The following CATSPERQ variants were observed in gnomAD, a reference collection of about 807,000 sequenced individuals.
CATSPERQ encodes the protein cation channel sperm-associated auxiliary subunit theta.
the CATSPERQ span, chr8:144,353,745 C>A: frequency 2.6e-6 from 4 of 1,534,544 alleles, no homozygotes; most frequent in South Asian, 2.4e-5. Context: ...GTCATCGTGT[C>A]CTGAGGAGGG....
At chr8:144,353,312 G>A in the CATSPERQ span, 3 of 1,497,738 alleles carry the variant, frequency 2.0e-6, no homozygotes, top group African/African-American at 2.8e-5. Context: ...GGAGGTTACC[G>A]AGAACACAGT....
At chr8:144,354,766 ATC>A in the CATSPERQ span, 1 of 1,534,732 alleles carries the variant, frequency 6.5e-7, no homozygotes, top group Non-Finnish European at 8.7e-7. The surrounding 1 kb of genome is among the most constrained non-coding windows in gnomAD (Gnocchi z 4.6). Flanking sequence ...GCCCTTAGGC[ATC>A]TGAGTCAGGC....
At chr8:144,354,681 C>G in the CATSPERQ span, 1 of 1,535,582 alleles carries the variant, frequency 6.5e-7, no homozygotes, top group Non-Finnish European at 8.7e-7. This position sits in a 1 kb window ranked among gnomAD's most constrained non-coding sequence, Gnocchi z 4.6. Context: ...CCAGGTGGCG[C>G]TCCGGGCAGG....
chr8:144,353,780 C>G, the CATSPERQ span: 4 of 1,535,570 alleles, frequency 2.6e-6, no homozygotes, highest in Middle Eastern at 3.3e-4. Flanking sequence ...GGACCCACCT[C>G]GTAGTGCTCC....
the CATSPERQ span, chr8:144,354,587 C>T: frequency 3.2e-6 from 4 of 1,246,712 alleles, no homozygotes; most frequent in Non-Finnish European, 4.4e-6. This position sits in a 1 kb window ranked among gnomAD's most constrained non-coding sequence, Gnocchi z 4.6. Flanking sequence ...CAGCCCCGCC[C>T]CGCCCCGCCC....
the CATSPERQ span, chr8:144,353,812 G>A: frequency 3.3e-6 from 5 of 1,535,582 alleles, no homozygotes; most frequent in Non-Finnish European, 4.4e-6. Context: ...CAGCACCAGG[G>A]GCTCCAACCT....
the CATSPERQ span, chr8:144,353,288 C>A: frequency 6.8e-7 from 1 of 1,468,244 alleles, no homozygotes; most frequent in East Asian, 2.5e-5. Flanking sequence ...TTGATCTGCC[C>A]CAGAGTGGGG....
chr8:144,354,574 T>TGCCCCCCCCCCC, the CATSPERQ span: 4 of 322,938 alleles, frequency 1.2e-5, no homozygotes, highest in Non-Finnish European at 2.2e-5. This position sits in a 1 kb window ranked among gnomAD's most constrained non-coding sequence, Gnocchi z 4.6. Flanking sequence ...GCCCCGCCCT[T>TGCCCCCCCCCCC]CCCAGCCCCG....
At chr8:144,353,809 AG>A in the CATSPERQ span, 1 of 1,535,570 alleles carries the variant, frequency 6.5e-7, no homozygotes, top group South Asian at 1.2e-5. Flanking sequence ...CACCAGCACC[AG>A]GGGCTCCAAC....
chr8:144,354,320 C>T, the CATSPERQ span: 5 of 1,533,496 alleles, frequency 3.3e-6, no homozygotes, highest in African/African-American at 2.7e-5. This position sits in a 1 kb window ranked among gnomAD's most constrained non-coding sequence, Gnocchi z 4.6. Context: ...AGGTAGTATT[C>T]GAGCACGAAG....
the CATSPERQ span, chr8:144,354,467 C>A: frequency 7.6e-7 from 1 of 1,311,252 alleles, no homozygotes; most frequent in Non-Finnish European, 1.0e-6. This position sits in a 1 kb window ranked among gnomAD's most constrained non-coding sequence, Gnocchi z 4.6. Context: ...CTCTCCGTCC[C>A]CAGGAGCACC....
chr8:144,353,561 G>A, the CATSPERQ span: 1 of 1,515,630 alleles, frequency 6.6e-7, no homozygotes, highest in Non-Finnish European at 8.8e-7. Context: ...CTGGGGCCGG[G>A]ACAGGACAGA....
the CATSPERQ span, chr8:144,353,279 T>G: frequency 7.6e-6 from 11 of 1,442,798 alleles, no homozygotes; most frequent in Admixed American, 1.1e-4. Context: ...GACTCACATT[T>G]GATCTGCCCC....
At chr8:144,353,807 C>T in the CATSPERQ span, 1 of 1,535,608 alleles carries the variant, frequency 6.5e-7, no homozygotes, top group Non-Finnish European at 8.7e-7. Flanking sequence ...TGCACCAGCA[C>T]CAGGGGCTCC....
chr8:144,354,226 G>C, the CATSPERQ span: 1 of 1,545,846 alleles, frequency 6.5e-7, no homozygotes, highest in Non-Finnish European at 8.7e-7. The surrounding 1 kb of genome is among the most constrained non-coding windows in gnomAD (Gnocchi z 4.6). Context: ...GTCGGGCCCA[G>C]GGGCTCACAC....
At chr8:144,354,440 G>T in the CATSPERQ span, 1 of 1,324,186 alleles carries the variant, frequency 7.6e-7, no homozygotes, top group Non-Finnish European at 1.0e-6. The surrounding 1 kb of genome is among the most constrained non-coding windows in gnomAD (Gnocchi z 4.6). Context: ...TCGCGGAGGC[G>T]ACGTCTCGCC....
At chr8:144,353,759 G>C in the CATSPERQ span, 34 of 1,534,880 alleles carry the variant, frequency 2.2e-5, no homozygotes, top group Non-Finnish European at 2.6e-5. Context: ...AGGAGGGCGC[G>C]TGTCTGGGCG....
chr8:144,354,591 C>G, the CATSPERQ span: 2 of 1,406,508 alleles, frequency 1.4e-6, no homozygotes, highest in African/African-American at 2.9e-5. The surrounding 1 kb of genome is among the most constrained non-coding windows in gnomAD (Gnocchi z 4.6). Context: ...CCCGCCCCGC[C>G]CCGCCCCGCC....
At chr8:144,354,124 A>G in the CATSPERQ span, 2 of 1,534,898 alleles carry the variant, frequency 1.3e-6, no homozygotes, top group Non-Finnish European at 1.7e-6. This position sits in a 1 kb window ranked among gnomAD's most constrained non-coding sequence, Gnocchi z 4.6. Context: ...GTACACGAGG[A>G]AGACCCAGGT....
Sources: gnomAD v4.1 joint callset for allele counts on GRCh38, gnomAD v4.1.1 for gene constraint, Gnocchi (gnomAD v3.1) non-coding constraint, MANE v1.5 for transcripts, NCBI Gene and HGNC (gene_info 2026-07-23, HGNC 2026-07-21) for gene names.